ALG2: variants seen among roughly 807,000 people sequenced by gnomAD.
The protein encoded by ALG2 is alpha-1,3/1,6-mannosyltransferase ALG2.
Under a neutral mutation model 30.5 loss-of-function variants are expected in ALG2, and 32 were observed. The observed-to-expected ratio is 1.05, with a 90% confidence interval of 0.79 to 1.41. The LOEUF (loss-of-function observed/expected upper bound fraction) is 1.41, where lower values mean the gene tolerates loss of function less well. Ranked by LOEUF, ALG2 falls within the 40% of genes most tolerant of loss-of-function variation. The pLI, the probability that ALG2 is intolerant of heterozygous loss-of-function variation, is 0.00. For synonymous variants in ALG2, 253 were observed against 224.8 expected (o/e 1.13, Z -1.12); for missense variants, 574 against 526.4 (o/e 1.09, Z -0.88).
At chr9:99,221,475 CAG>C in intron 1 of ALG2, 70 bp downstream of exon 1, 1 of 1,470,488 alleles carries the variant, frequency 6.8e-7, no homozygotes, top group East Asian at 2.5e-5. Context: ...GGTCTTCTCT[CAG>C]GGGTCATGCC....
Position 99,217,667 on chromosome 9 carries a change from A to C in ALG2, c.*267T>G, listed in dbSNP as rs929989190. The C allele has an allele frequency of 6.4e-5, 37 of 575,670 alleles. No individual in the cohort carries two copies. The highest frequency in any genetic ancestry group is 4.7e-4 in the Middle Eastern group (1 of 2,144). 35.7% of individuals were successfully genotyped at this position (575,670 alleles called of 1,614,324 possible). On this transcript the variant is annotated 3_prime_UTR_variant, in exon 2 of 2. Coordinates refer to ENST00000476832, the MANE Select transcript of ALG2 (RefSeq NM_033087.4). ...AAGAGCAATAATCCCGAGAAAATAT[A>C]ATTAAAATACTCTGCTGAACATGGA...
rs764985375 is a variant in ALG2 at position 99,221,826 on chromosome 9, G to A, written c.69C>T (p.Asp23=). The A allele has an allele frequency of 6.3e-6, 10 of 1,597,160 alleles. No homozygotes were observed. The highest frequency in any genetic ancestry group is 8.5e-6 in the Non-Finnish European group (10 of 1,179,090). The part of the protein sequence containing the change: ...PKPSVLFLHP[D]LGVGGAERLV... ...GCCGCTCAGCGCCGCCCACGCCCAG[G>A]TCTGGGTGGAGGAACAGCACCGACG... Residue 23 remains aspartate (D), a synonymous_variant, in exon 1 of 2, where the codon GAC becomes GAT. Coordinates refer to ENST00000476832, the MANE Select transcript of ALG2 (RefSeq NM_033087.4).
Position 99,217,903 on chromosome 9 carries a change from G to A in ALG2, c.*31C>T. 1 of 1,606,324 alleles carries A rather than the reference G, an allele frequency of 6.2e-7. No homozygotes were observed. The highest frequency in any genetic ancestry group is 8.5e-7 in the Non-Finnish European group (1 of 1,172,962). ...AACTGGGTCTACAATCCATAAAAAT[G>A]ACATTAATGGAGATCTTAAAAACAA... On this transcript the variant is annotated 3_prime_UTR_variant, in exon 2 of 2. Transcript: ENST00000476832.
chr9:99,217,864 T>G lies in ALG2; in HGVS notation c.*70A>C. ...TCTTCTGCATTAGATTCTAGGTTTCTTTTTTGGTTTCAAAACTGGGTCTAC... is the reference window on the plus strand; with the variant it reads ...TCTTCTGCATTAGATTCTAGGTTTCGTTTTTGGTTTCAAAACTGGGTCTAC... On this transcript the variant is annotated 3_prime_UTR_variant, in exon 2 of 2. Transcript: ENST00000476832. 1 of 1,536,786 alleles carries G rather than the reference T, an allele frequency of 6.5e-7. No individual in the cohort carries two copies. Among genetic ancestry groups the G allele is most frequent in the Non-Finnish European group, 9.0e-7 (1 of 1,111,806 alleles).
intron 1 of ALG2, chr9:99,221,160 T>C: frequency 7.3e-7 from 1 of 1,368,600 alleles, no homozygotes; most frequent in Non-Finnish European, 9.7e-7. Context: ...TCAACAAAAA[T>C]AACAGGTAAG....
chr9:99,219,862 T>A (rs997728468), intron 1 of ALG2, among the ~76,000 whole-genome samples: 1 of 152,252 alleles, frequency 6.6e-6, no homozygotes, highest in African/African-American at 2.4e-5. Context: ...GCCTCATGTC[T>A]ACTGACACAT....
intron 1 of ALG2, among the ~76,000 whole-genome samples, chr9:99,219,129 T>C (rs1025179369): frequency 5.9e-5 from 9 of 152,234 alleles, no homozygotes; most frequent in Admixed American, 3.9e-4. Flanking sequence ...AGGGTGAAAT[T>C]AATTTTAACA....
chr9:99,218,804 A>G lies in ALG2; in HGVS notation c.381T>C (p.Ala127=), dbSNP rs772625705. 1.9e-6 allele frequency: 3 copies of G among 1,607,622 alleles called. 1 individual carries two copies. The South Asian group carries it at 3.3e-5, about 18-fold the overall frequency. ...VSACIPVFRL[A]RRRKKILFYC... ...AAAATAGGATCTTCTTCCGCCGTCT[A>G]GCCAGCCTGAACACTGGGATACAGG... Residue 127 remains alanine, a synonymous_variant, in exon 2 of 2, where the codon GCT becomes GCC. Transcript: ENST00000476832.
At position 99,221,860 on chromosome 9, in the gene ALG2, A is replaced by G; in HGVS notation, c.35T>C (p.Val12Ala). The change falls in exon 1 of 2, where the codon GTT (valine) becomes GCT (alanine). Residue 12 changes from valine (V) to alanine (A), a missense_variant. Coordinates refer to ENST00000476832, the MANE Select transcript of ALG2 (RefSeq NM_033087.4). ...AEEQGRERDS[V>A]PKPSVLFLHP... is the part of the protein sequence containing the mutation. ...GAGGAACAGCACCGACGGCTTGGGA[A>G]CCGAGTCCCGTTCCCGGCCCTGCTC... is the stretch of plus-strand genomic sequence containing the variant. 6.3e-7 allele frequency: 1 copy of G among 1,592,580 alleles called. No homozygotes were observed. The highest frequency in any genetic ancestry group is 8.5e-7 in the Non-Finnish European group (1 of 1,176,716).
rs765869300 is a variant in ALG2, at chr9:99,217,316, G to A, written c.*618C>T. 1.3e-4 allele frequency: 58 copies of A among 453,858 alleles called. 1 individual carries two copies. The highest frequency in any genetic ancestry group is 6.8e-4 in the Middle Eastern group (1 of 1,466). The allele number at this position is 453,858 out of a possible 1,614,324, so 28.1% of individuals were successfully genotyped here. A position where few individuals can be genotyped will look rare whatever the true frequency, so the allele number is the denominator to read the frequency against. On this transcript the variant is annotated 3_prime_UTR_variant, in exon 2 of 2. Transcript: ENST00000476832. ...CAGTTTGGTTGTCATATCCATGTTC[G>A]TAACAATACCAAAATAGATTATGGA...
At position 99,221,052 on chromosome 9, in the gene ALG2, T is replaced by C. The variant is rs113436871; in HGVS notation, c.348+495A>G. On this transcript the variant is annotated intron_variant, in intron 1 of 1. Transcript: ENST00000476832. ...TACAAGTTTTAATAGGGGCATGATATATTCAGCTTGGCGTTTTTAACACAT... is the reference window on the plus strand; with the variant it reads ...TACAAGTTTTAATAGGGGCATGATACATTCAGCTTGGCGTTTTTAACACAT... 8.2e-4 allele frequency: 1,115 copies of C among 1,354,652 alleles called. 14 individuals are homozygous for C. In the African/African-American group the frequency reaches 0.015, roughly 18 times the overall value. 83.9% of individuals were successfully genotyped at this position (1,354,652 alleles called of 1,614,324 possible).
chr9:99,216,489 T>C lies in ALG2; in HGVS notation c.*1445A>G, dbSNP rs775628029. 1.6e-5 allele frequency: 7 copies of C among 448,798 alleles called. No individual in the cohort carries two copies. Among genetic ancestry groups the C allele is most frequent in the South Asian group, 9.5e-5 (6 of 63,328 alleles). The allele number at this position is 448,798 out of a possible 1,614,324, so 27.8% of individuals were successfully genotyped here. The stretch of plus-strand genomic sequence containing the variant: ...TATATTTGGCACCCTCATTTTATAG[T>C]ACTCCTTTTTGGTACAGAATCATTT... On this transcript the variant is annotated 3_prime_UTR_variant, in exon 2 of 2. Coordinates refer to ENST00000476832, the MANE Select transcript of ALG2 (RefSeq NM_033087.4).
Position 99,218,122 on chromosome 9 carries a change from G to C in ALG2, c.1063C>G (p.His355Asp). ...NSGGPLESID[H>D]SVTGFLCEPD... Reference sequence around the variant, plus strand: ...TCACACAGAAACCCTGTGACACTGTGGTCAATGGACTCCAAGGGTCCACCC... The same window carrying C: ...TCACACAGAAACCCTGTGACACTGTCGTCAATGGACTCCAAGGGTCCACCC... Residue 355 changes from histidine (H) to aspartate (D), a missense_variant, in exon 2 of 2, where the codon CAC becomes GAC. His to Asp is a moderately conservative substitution (Grantham distance 81). Transcript: ENST00000476832. The C allele has an allele frequency of 6.2e-7, 1 of 1,611,968 alleles. No homozygotes were observed. The highest frequency in any genetic ancestry group is 8.5e-7 in the Non-Finnish European group (1 of 1,178,410).
Position 99,221,654 on chromosome 9 carries a change from A to T in ALG2, c.241T>A (p.Trp81Arg). ...AGDWLPRGLG[W>R]GGRGAAVCAY... ...CAGACGGCGGCGCCGCGGCCGCCCCAGCCCAGGCCTCGCGGCAGCCAGTCC... is the reference window on the plus strand; with the variant it reads ...CAGACGGCGGCGCCGCGGCCGCCCCTGCCCAGGCCTCGCGGCAGCCAGTCC... The change falls in exon 1 of 2, where the codon TGG becomes AGG. Residue 81 changes from tryptophan (W) to arginine (R), a missense_variant. By Grantham distance (101) the Trp-to-Arg change is moderately radical. Transcript: ENST00000476832. The T allele has an allele frequency of 6.5e-7, 1 of 1,546,120 alleles. No individual in the cohort carries two copies. The highest frequency in any genetic ancestry group is 1.7e-4 in the Middle Eastern group (1 of 5,822).
chr9:99,216,733 C>T lies in ALG2; in HGVS notation c.*1201G>A, dbSNP rs1435158263. Reference sequence around the variant, plus strand: ...ATATTATCATAATCTGTTATAACCGCACTATGAGGAAAGTAGAATAGTACA... The same window carrying T: ...ATATTATCATAATCTGTTATAACCGTACTATGAGGAAAGTAGAATAGTACA... On this transcript the variant is annotated 3_prime_UTR_variant, in exon 2 of 2. Coordinates refer to ENST00000476832, the MANE Select transcript of ALG2 (RefSeq NM_033087.4). 1 of 452,422 alleles carries T rather than the reference C, an allele frequency of 2.2e-6. No homozygotes were observed. The highest frequency in any genetic ancestry group is 2.4e-5 in the Admixed American group (1 of 42,360). 28.0% of individuals were successfully genotyped at this position (452,422 alleles called of 1,614,324 possible).
rs770738799 is a variant in ALG2, at chr9:99,221,680, C to T, written c.215G>A (p.Gly72Glu). 3.2e-6 allele frequency: 5 copies of T among 1,566,546 alleles called. No individual in the cohort carries two copies. The highest frequency in any genetic ancestry group is 4.3e-6 in the Non-Finnish European group (5 of 1,161,562). ...GCCCAGGCCTCGCGGCAGCCAGTCC[C>T]CGGCACAGCGCACCGGTAGCTCGCG... ...ESRELPVRCAGDWLPRGLGWG... is the reference protein window; with the variant it reads ...ESRELPVRCAEDWLPRGLGWG... The change falls in exon 1 of 2, where the codon GGG becomes GAG. Residue 72 changes from glycine (G) to glutamate (E), a missense_variant. By Grantham distance (98) the Gly-to-Glu change is moderately conservative. Transcript: ENST00000476832.
chr9:99,221,528 G>T lies in ALG2; in HGVS notation c.348+19C>A. 2.6e-6 allele frequency: 4 copies of T among 1,540,932 alleles called. No homozygotes were observed. Among genetic ancestry groups the T allele is most frequent in the Middle Eastern group, 1.7e-4 (1 of 5,798 alleles). ...CGGCGAGGTCCGCACTCGCGCAGCC[G>T]GCCCCGCGGCCGCCTCACCTGGTCG... On this transcript the variant is annotated intron_variant, in intron 1 of 1. Coordinates refer to ENST00000476832, the MANE Select transcript of ALG2 (RefSeq NM_033087.4).
At position 99,217,463 on chromosome 9, in the gene ALG2, C is replaced by G; in HGVS notation, c.*471G>C. On this transcript the variant is annotated 3_prime_UTR_variant, in exon 2 of 2. Transcript: ENST00000476832. ...CTCTCGCTATGGATCCAGGCAAAGACAGGACAAACAAAAATTCCCTAACAG... is the reference window on the plus strand; with the variant it reads ...CTCTCGCTATGGATCCAGGCAAAGAGAGGACAAACAAAAATTCCCTAACAG... 1 of 454,378 alleles carries G rather than the reference C, an allele frequency of 2.2e-6. No homozygotes were observed. Among genetic ancestry groups the G allele is most frequent in the Non-Finnish European group, 4.4e-6 (1 of 226,880 alleles). The allele number at this position is 454,378 out of a possible 1,614,324, so 28.1% of individuals were successfully genotyped here. A position where few individuals can be genotyped will look rare whatever the true frequency, so the allele number is the denominator to read the frequency against.
Position 99,221,857 on chromosome 9 carries a change from G to A in ALG2, c.38C>T (p.Pro13Leu). The change falls in exon 1 of 2, where the codon CCC (proline) becomes CTC (leucine). Residue 13 changes from proline to leucine, a missense_variant. Transcript: ENST00000476832. ...GTGGAGGAACAGCACCGACGGCTTG[G>A]GAACCGAGTCCCGTTCCCGGCCCTG... ...EEQGRERDSV[P>L]KPSVLFLHPD... The A allele has an allele frequency of 6.3e-7, 1 of 1,593,232 alleles. No homozygotes were observed. The highest frequency in any genetic ancestry group is 8.5e-7 in the Non-Finnish European group (1 of 1,177,102).
Sources: gnomAD v4.1 joint callset for allele counts (sites outside exome capture counted in the v4.1 genomes callset) on GRCh38, gnomAD v4.1.1 for gene constraint, MANE v1.5 for transcripts, NCBI Gene and HGNC (gene_info 2026-07-23, HGNC 2026-07-21) for gene names.